The following SCRT2 variants were observed in gnomAD, a reference collection of about 807,000 sequenced individuals.
The protein encoded by SCRT2 is scratch family transcriptional repressor 2, also known as transcriptional repressor scratch 2.
Under a neutral mutation model 3.7 loss-of-function variants are expected in SCRT2, and 2 were observed. The observed-to-expected ratio is 0.54, with a 90% CI of 0.22 to 1.70. The LOEUF (loss-of-function observed/expected upper bound fraction) is 1.70, where lower values mean the gene tolerates loss of function less well. Ranked by LOEUF, SCRT2 falls within the 40% of genes most tolerant of loss-of-function variation. The pLI, the probability that SCRT2 is intolerant of heterozygous loss-of-function variation, is 0.19. For missense variants in SCRT2, 456 were observed against 468.5 expected (o/e 0.97, Z 0.25); for synonymous variants, 256 against 220.6 (o/e 1.16, Z -1.42).
Position 664,801 on chromosome 20 carries a change from G to A in SCRT2, c.134-340C>T, listed in dbSNP as rs1257471772. Among the ~76,000 whole-genome samples, 2 of 152,220 alleles carry A rather than the reference G, an allele frequency of 1.3e-5. No individual in the cohort carries two copies. The highest frequency in any genetic ancestry group is 2.9e-5 in the Non-Finnish European group (2 of 68,038). On this transcript the variant is annotated intron_variant, in intron 1 of 1. Coordinates refer to ENST00000246104, the MANE Select transcript of SCRT2 (RefSeq NM_033129.4). The surrounding 1 kb of genome is among the most constrained non-coding windows in gnomAD (Gnocchi z 7.9). ...AGAAACTGAGGCGCAGAGAGATGCA[G>A]CAGTCTAACCTTACAGTCAGGAAGT...
In SCRT2 at chr20:662,145, C is replaced by CT. The variant is rs1983972175; in HGVS notation, c.*1525dup. On this transcript the variant is annotated 3_prime_UTR_variant, in exon 2 of 2. Transcript: ENST00000246104. ...GTAGTGGCGGCCAACGGGCGGGTGG[C>CT]TGGCAGCCCGGCCCCTCTGTCCGGG... The CT allele has an allele frequency of 6.5e-6, 1 of 152,906 alleles. No homozygotes were observed. The highest frequency in any genetic ancestry group is 1.5e-5 in the Non-Finnish European group (1 of 68,260). 9.5% of individuals were successfully genotyped at this position (152,906 alleles called of 1,614,324 possible). A position where few individuals can be genotyped will look rare whatever the true frequency, so the allele number is the denominator to read the frequency against.
Position 666,595 on chromosome 20 carries a change from A to C in SCRT2, c.134-2134T>G, listed in dbSNP as rs1984162082. On this transcript the variant is annotated intron_variant, in intron 1 of 1. Coordinates refer to ENST00000246104, the MANE Select transcript of SCRT2 (RefSeq NM_033129.4). The surrounding 1 kb of genome is among the most constrained non-coding windows in gnomAD (Gnocchi z 4.4). ...TGGCACTTGCTCCAGGGGTGGAGCA[A>C]GGATTGGAATCCACTGCCCCCTTGG... Among the ~76,000 whole-genome samples the C allele has an allele frequency of 6.6e-6, 1 of 152,202 alleles. No individual in the cohort carries two copies.
At position 662,521 on chromosome 20, in the gene SCRT2, T is replaced by TGTGCTGTC. The variant is rs1983990434; in HGVS notation, c.*1149_*1150insGACAGCAC. The TGTGCTGTC allele has an allele frequency of 6.6e-6, 1 of 152,312 alleles. No homozygotes were observed. The highest frequency in any genetic ancestry group is 1.5e-5 in the Non-Finnish European group (1 of 68,224). The allele number at this position is 152,312 out of a possible 1,614,324, so 9.4% of individuals were successfully genotyped here. On this transcript the variant is annotated 3_prime_UTR_variant, in exon 2 of 2. Coordinates refer to ENST00000246104, the MANE Select transcript of SCRT2 (RefSeq NM_033129.4). ...GGGGTGTGTGTGGTGGGGGCAGCCC[T>TGTGCTGTC]CTGTGGCCTGTGCTGTCCCTCTCCT... is the stretch of plus-strand genomic sequence containing the variant.
chr20:662,506 T>C lies in SCRT2; in HGVS notation c.*1165A>G, dbSNP rs1234900091. The C allele has an allele frequency of 6.6e-6, 1 of 152,300 alleles. No homozygotes were observed. Among genetic ancestry groups the C allele is most frequent in the African/African-American group, 2.4e-5 (1 of 41,396 alleles). 9.4% of individuals were successfully genotyped at this position (152,300 alleles called of 1,614,324 possible). ...TTCTCCCGAGACGCGGGGGTGTGTG[T>C]GGTGGGGGCAGCCCTCTGTGGCCTG... On this transcript the variant is annotated 3_prime_UTR_variant, in exon 2 of 2. Coordinates refer to ENST00000246104, the MANE Select transcript of SCRT2 (RefSeq NM_033129.4).
chr20:665,816 G>A lies in SCRT2; in HGVS notation c.134-1355C>T, dbSNP rs1316451878. 6.6e-6 allele frequency among the ~76,000 whole-genome samples: 1 copy of A among 152,156 alleles called. No homozygotes were observed. Among genetic ancestry groups the A allele is most frequent in the East Asian group, 1.9e-4 (1 of 5,192 alleles). ...GAGTGGGATTTGACCTTCTCCTGGT[G>A]ACCCCTGAGACCTGTAACCACTCCT... On this transcript the variant is annotated intron_variant, in intron 1 of 1. Transcript: ENST00000246104. This position sits in a 1 kb window ranked among gnomAD's most constrained non-coding sequence, Gnocchi z 5.0.
In SCRT2 at chr20:666,517, C is replaced by G. The variant is rs1401391951; in HGVS notation, c.134-2056G>C. ...CTTCGCTCCCATCATCTCACTGAAT[C>G]ATCACAAAACTACTCTCATCACAGA... On this transcript the variant is annotated intron_variant, in intron 1 of 1. Coordinates refer to ENST00000246104, the MANE Select transcript of SCRT2 (RefSeq NM_033129.4). This position sits in a 1 kb window ranked among gnomAD's most constrained non-coding sequence, Gnocchi z 4.4. Among the ~76,000 whole-genome samples, 1 of 152,212 alleles carries G rather than the reference C, an allele frequency of 6.6e-6. No individual in the cohort carries two copies. The highest frequency in any genetic ancestry group is 1.5e-5 in the Non-Finnish European group (1 of 68,028).
rs1292052905 is a variant in SCRT2, at chr20:664,724, C to G, written c.134-263G>C. On this transcript the variant is annotated intron_variant, in intron 1 of 1. Coordinates refer to ENST00000246104, the MANE Select transcript of SCRT2 (RefSeq NM_033129.4). The surrounding 1 kb of genome is among the most constrained non-coding windows in gnomAD (Gnocchi z 7.9). ...TTGTACAGAGCGTACCTTCACTATC[C>G]AGTGCTCACAACCGCGGAGTGATGG... Among the ~76,000 whole-genome samples, 1 of 152,224 alleles carries G rather than the reference C, an allele frequency of 6.6e-6. No individual in the cohort carries two copies. The highest frequency in any genetic ancestry group is 2.4e-5 in the African/African-American group (1 of 41,456).
rs1335121992 is a variant in SCRT2 at position 662,731 on chromosome 20, AAGGGGATC to A, written c.*932_*939del. ...CCAGACCTCCCCCCAACAAGTAAGG[AAGGGGATC>A]TGTGGCCCTGGGGATGGGGGAAAGT... On this transcript the variant is annotated 3_prime_UTR_variant, in exon 2 of 2. Coordinates refer to ENST00000246104, the MANE Select transcript of SCRT2 (RefSeq NM_033129.4). The A allele has an allele frequency of 6.5e-6, 1 of 152,744 alleles. No homozygotes were observed. The highest frequency in any genetic ancestry group is 1.5e-5 in the Non-Finnish European group (1 of 68,100). 9.5% of individuals were successfully genotyped at this position (152,744 alleles called of 1,614,324 possible).
chr20:668,253 G>A (rs1984219365), intron 1 of SCRT2, among the ~76,000 whole-genome samples: 1 of 152,168 alleles, frequency 6.6e-6, no homozygotes, highest in South Asian at 2.1e-4. Flanking sequence ...GTCTTAGGCT[G>A]CTGTGTGACC....
Position 664,046 on chromosome 20 carries a change from C to G in SCRT2, c.549G>C (p.Gln183His). The G allele has an allele frequency of 6.2e-7, 1 of 1,611,976 alleles. No individual in the cohort carries two copies. Residue 183 changes from glutamine (Q) to histidine (H), a missense_variant, in exon 2 of 2, where the codon CAG (glutamine) becomes CAC (histidine). Coordinates refer to ENST00000246104, the MANE Select transcript of SCRT2 (RefSeq NM_033129.4). The surrounding 1 kb of genome is among the most constrained non-coding windows in gnomAD (Gnocchi z 7.9). ...CGCACGTCGGGCATTTGCGCGCCAG[C>G]TGGCTGTCCAGGCTGCGGTGCGTCT... ...HKQTHRSLDS[Q>H]LARKCPTCGK...
rs941175481 is a variant in SCRT2 at position 664,899 on chromosome 20, C to T, written c.134-438G>A. Reference sequence around the variant, plus strand: ...CCAACAACATGCTGCCGTTGCAGCCCTGTAACTTCTCTGGATCTCAGTTTT... The same window carrying T: ...CCAACAACATGCTGCCGTTGCAGCCTTGTAACTTCTCTGGATCTCAGTTTT... On this transcript the variant is annotated intron_variant, in intron 1 of 1. Coordinates refer to ENST00000246104, the MANE Select transcript of SCRT2 (RefSeq NM_033129.4). This position sits in a 1 kb window ranked among gnomAD's most constrained non-coding sequence, Gnocchi z 7.9. Among the ~76,000 whole-genome samples, 4 of 152,240 alleles carry T rather than the reference C, an allele frequency of 2.6e-5. No individual in the cohort carries two copies. The highest frequency in any genetic ancestry group is 4.4e-5 in the Non-Finnish European group (3 of 68,044).
chr20:669,468 C>A (rs1599923569), intron 1 of SCRT2, among the ~76,000 whole-genome samples: 1 of 152,278 alleles, frequency 6.6e-6, no homozygotes, highest in South Asian at 2.1e-4. Flanking sequence ...TCCCAGACTC[C>A]CAAGGTGCCA....
At chr20:673,596 C>T (rs902243139) in intron 1 of SCRT2, among the ~76,000 whole-genome samples, 17 of 152,324 alleles carry the variant, frequency 1.1e-4, no homozygotes, top group African/African-American at 2.2e-4. Context: ...GTGTTAAACC[C>T]GGTGGAACCT....
In SCRT2 at chr20:664,529, G is replaced by A. The variant is rs1984094950; in HGVS notation, c.134-68C>T. 7 of 1,127,698 alleles carry A rather than the reference G, an allele frequency of 6.2e-6. No homozygotes were observed. Among genetic ancestry groups the A allele is most frequent in the Non-Finnish European group, 7.9e-6 (7 of 890,336 alleles). The allele number at this position is 1,127,698 out of a possible 1,614,324, so 69.9% of individuals were successfully genotyped here. On this transcript the variant is annotated intron_variant, in intron 1 of 1. Coordinates refer to ENST00000246104, the MANE Select transcript of SCRT2 (RefSeq NM_033129.4). The surrounding 1 kb of genome is among the most constrained non-coding windows in gnomAD (Gnocchi z 7.9). The stretch of plus-strand genomic sequence containing the variant: ...GAAGAGGGTTTCCCGCTTTGAGCGC[G>A]TCACCCTTTGCGCCTTCCAGCTTGG...
rs1277833168 is a variant in SCRT2, at chr20:667,885, A to G, written c.134-3424T>C. On this transcript the variant is annotated intron_variant, in intron 1 of 1. Transcript: ENST00000246104. The surrounding 1 kb of genome is among the most constrained non-coding windows in gnomAD (Gnocchi z 4.4). ...TAACCTTTCTGGGCGGAATCTATAC[A>G]TGACAAAGATGGACTGGAATGGTCT... 6.6e-6 allele frequency among the ~76,000 whole-genome samples: 1 copy of G among 152,166 alleles called. No individual in the cohort carries two copies. Among genetic ancestry groups the G allele is most frequent in the Non-Finnish European group, 1.5e-5 (1 of 68,022 alleles).
At chr20:673,916 G>A (rs1358574981) in intron 1 of SCRT2, among the ~76,000 whole-genome samples, 2 of 152,152 alleles carry the variant, frequency 1.3e-5, no homozygotes, top group East Asian at 3.8e-4. Flanking sequence ...CCAGCTTTGA[G>A]CGCACACTCT....
intron 1 of SCRT2, among the ~76,000 whole-genome samples, chr20:668,460 G>C (rs187482116): frequency 7.2e-5 from 11 of 152,312 alleles, no homozygotes; most frequent in Admixed American, 4.6e-4. Flanking sequence ...CACAGAGATA[G>C]GGATGAGCTG....
At chr20:669,652 C>T (rs962324741) in intron 1 of SCRT2, among the ~76,000 whole-genome samples, 5 of 152,256 alleles carry the variant, frequency 3.3e-5, no homozygotes, top group Non-Finnish European at 7.3e-5. Context: ...ATATTTAGAG[C>T]TGCTTCTTGC....
Position 665,627 on chromosome 20 carries a change from G to C in SCRT2, c.134-1166C>G, listed in dbSNP as rs1984132494. Among the ~76,000 whole-genome samples the C allele has an allele frequency of 6.6e-6, 1 of 152,214 alleles. No individual in the cohort carries two copies. Among genetic ancestry groups the C allele is most frequent in the Admixed American group, 6.5e-5 (1 of 15,278 alleles). On this transcript the variant is annotated intron_variant, in intron 1 of 1. Transcript: ENST00000246104. This position sits in a 1 kb window ranked among gnomAD's most constrained non-coding sequence, Gnocchi z 5.0. ...ATTTGCCTCTGCCTCCCATGGCCTA[G>C]GCTGGTCCTAGCACCTTCCCTGAGA...
Sources: gnomAD v4.1 joint callset for allele counts (sites outside exome capture counted in the v4.1 genomes callset) on GRCh38, gnomAD v4.1.1 for gene constraint, Gnocchi (gnomAD v3.1) non-coding constraint, MANE v1.5 for transcripts, NCBI Gene and HGNC (gene_info 2026-07-23, HGNC 2026-07-21) for gene names.